Variants in CEP70 observed in about 807,000 individuals in gnomAD.
The protein encoded by CEP70 is centrosomal protein of 70 kDa.
In CEP70, 70 loss-of-function variants were observed where a neutral mutation model predicts 90.9. The observed-to-expected ratio is 0.77, with a 90% CI of 0.64 to 0.94. The LOEUF (loss-of-function observed/expected upper bound fraction) is 0.94. Among genes scored for constraint, CEP70 ranks in the 40% least tolerant of loss-of-function variants. The pLI is 0.00. For missense variants in CEP70, 648 were observed against 669.0 expected, an observed-to-expected ratio of 0.97 and a Z score of 0.35; for synonymous variants, 220 against 228.3, an observed-to-expected ratio of 0.96 and a Z score of 0.33.
intron 17 of CEP70, chr3:138,497,778 A>G (rs1294727130): frequency 1.5e-5 from 15 of 985,076 alleles, no homozygotes; most frequent in African/African-American, 7.0e-5. Flanking sequence ...CTAGGCATGG[A>G]CAGAATGATG....
intron 11 of CEP70, among the ~76,000 whole-genome samples, chr3:138,520,779 GCTCCCT>G (rs1291971944): frequency 6.6e-6 from 1 of 152,010 alleles, no homozygotes; most frequent in African/African-American, 2.4e-5. Context: ...AAGAACTAGA[GCTCCCT>G]CTCCCTCTCC....
chr3:138,500,562 G>C lies in CEP70; in HGVS notation c.1374C>G (p.Ser458Arg). The C allele has an allele frequency of 6.3e-7, 1 of 1,589,252 alleles. No homozygotes were observed. The highest frequency in any genetic ancestry group is 8.5e-7 in the Non-Finnish European group (1 of 1,173,706). ...GCAAAGTTTGAAAGTGTGGCATATTGCTGTCCTGTCCAAAAAAGAGGTAAA... is the reference window on the plus strand; with the variant it reads ...GCAAAGTTTGAAAGTGTGGCATATTCCTGTCCTGTCCAAAAAAGAGGTAAA... ...LEEVENKEKDSNMPHFQTLQA... is the reference protein window; with the variant it reads ...LEEVENKEKDRNMPHFQTLQA... The change falls in exon 15 of 18, where the codon AGC becomes AGG. Residue 458 changes from serine to arginine, a missense_variant. Transcript: ENST00000264982.
intron 2 of CEP70, among the ~76,000 whole-genome samples, chr3:138,582,469 C>G (rs1349932928): frequency 7.4e-6 from 1 of 135,036 alleles, no homozygotes; most frequent in Non-Finnish European, 1.5e-5. Flanking sequence ...GAGACTCCAT[C>G]TCAAAAAATT....
chr3:138,537,109 A>G (rs1287746384), intron 7 of CEP70, 69 bp downstream of exon 7: 5 of 1,136,446 alleles, frequency 4.4e-6, no homozygotes, highest in Non-Finnish European at 6.0e-6. Context: ...CCAAGATAAT[A>G]TCAGGTAAAA....
At chr3:138,566,694 A>G (rs2040815173) in intron 6 of CEP70, among the ~76,000 whole-genome samples, 1 of 152,028 alleles carries the variant, frequency 6.6e-6, no homozygotes, top group Admixed American at 6.6e-5. Flanking sequence ...TAGCATTAGG[A>G]GAAATACCTA....
intron 1 of CEP70, chr3:138,593,062 C>T (rs2042463188): frequency 6.6e-6 from 1 of 152,166 alleles, no homozygotes; most frequent in Admixed American, 6.5e-5. Context: ...AGGGGCAGAA[C>T]CTTGCTTTGA....
At chr3:138,591,817 T>C (rs2042396811) in intron 2 of CEP70, 37 bp downstream of exon 2, 1 of 1,522,580 alleles carries the variant, frequency 6.6e-7, no homozygotes, top group Non-Finnish European at 8.8e-7. Context: ...TTCCATGGCC[T>C]CCCAACATCT....
intron 11 of CEP70, among the ~76,000 whole-genome samples, chr3:138,520,527 A>T (rs964354784): frequency 2.6e-5 from 4 of 152,088 alleles, no homozygotes; most frequent in Non-Finnish European, 5.9e-5. Context: ...GGATTAAGAA[A>T]CTCACTCAAA....
chr3:138,570,336 C>G lies in CEP70; in HGVS notation c.447G>C (p.Lys149Asn). ...HQQNKIKDLQ[K>N]EQKTLQVKCQ... ...TCAGTACCTGTAAAGTTTTCTGCTC[C>G]TTTTGAAGATCTTTTATTTTATTCT... The change falls in exon 6 of 18, where the codon AAG becomes AAC. Residue 149 changes from lysine to asparagine, a missense_variant. Transcript: ENST00000264982. The G allele has an allele frequency of 6.3e-7, 1 of 1,583,228 alleles. No individual in the cohort carries two copies. The highest frequency in any genetic ancestry group is 1.2e-5 in the South Asian group (1 of 85,006).
At chr3:138,564,574 T>C (rs1434476783) in intron 6 of CEP70, among the ~76,000 whole-genome samples, 1 of 152,216 alleles carries the variant, frequency 6.6e-6, no homozygotes, top group Non-Finnish European at 1.5e-5. Flanking sequence ...ATCCATCATG[T>C]AAACAGAACC....
intron 6 of CEP70, among the ~76,000 whole-genome samples, chr3:138,538,720 C>G (rs1197764858): frequency 1.3e-5 from 2 of 152,070 alleles, no homozygotes; most frequent in African/African-American, 4.8e-5. Flanking sequence ...GATCAAGAAT[C>G]CTTATTCTTT....
intron 13 of CEP70, among the ~76,000 whole-genome samples, chr3:138,502,116 CAT>C (rs896903073): frequency 2.9e-4 from 44 of 152,238 alleles, no homozygotes; most frequent in African/African-American, 8.9e-4. Context: ...TGAAAAGAAA[CAT>C]GTGATATTAA....
chr3:138,522,536 G>C (rs1053057509), intron 11 of CEP70, among the ~76,000 whole-genome samples: 58 of 152,228 alleles, frequency 3.8e-4, no homozygotes, highest in Non-Finnish European at 6.9e-4. Flanking sequence ...AAATGATAAA[G>C]GGGATATCAC....
At chr3:138,570,218 G>C (rs968991242) in intron 6 of CEP70, 100 bp downstream of exon 6, 2 of 726,548 alleles carry the variant, frequency 2.8e-6, no homozygotes, top group African/African-American at 3.7e-5. Flanking sequence ...AGCCAAAAAA[G>C]GTAAAAACCA....
At chr3:138,510,299 G>T (rs2035404929) in intron 11 of CEP70, among the ~76,000 whole-genome samples, 1 of 151,944 alleles carries the variant, frequency 6.6e-6, no homozygotes, top group South Asian at 2.1e-4. Context: ...TGGATATGGT[G>T]GCGCATGCCT....
chr3:138,566,704 A>G (rs904648147), intron 6 of CEP70, among the ~76,000 whole-genome samples: 82 of 152,106 alleles, frequency 5.4e-4, no homozygotes, highest in African/African-American at 1.7e-3. Flanking sequence ...AGAAATACCT[A>G]ATGTAGATGA....
intron 6 of CEP70, among the ~76,000 whole-genome samples, chr3:138,539,188 A>T (rs929082275): frequency 1.1e-4 from 17 of 152,040 alleles, no homozygotes; most frequent in Non-Finnish European, 2.4e-4. Flanking sequence ...ACACCTGGAT[A>T]GTTTTTGTAT....
At chr3:138,530,821 C>A in intron 8 of CEP70, 24 of 984,914 alleles carry the variant, frequency 2.4e-5, no homozygotes, top group Non-Finnish European at 2.9e-5. Flanking sequence ...ATTTGTAGAT[C>A]TCAAAATCTA....
At chr3:138,520,406 A>G (rs2036502453) in intron 11 of CEP70, among the ~76,000 whole-genome samples, 2 of 152,190 alleles carry the variant, frequency 1.3e-5, no homozygotes, top group Admixed American at 6.6e-5. Flanking sequence ...CACCACACCT[A>G]TTCCAAAATC....
Sources: gnomAD v4.1 joint callset for allele counts (sites outside exome capture counted in the v4.1 genomes callset) on GRCh38, gnomAD v4.1.1 for gene constraint, MANE v1.5 for transcripts, NCBI Gene and HGNC (gene_info 2026-07-23, HGNC 2026-07-21) for gene names.